NRXN1: variants seen among roughly 807,000 people sequenced by gnomAD.
NRXN1 encodes neurexin 1, also known as neurexin-1.
A neutral mutation model predicts 150.9 loss-of-function variants in NRXN1; 39 were observed. The observed-to-expected ratio is 0.26, with a 90% CI of 0.20 to 0.34. The LOEUF is 0.34. Ranked by LOEUF, NRXN1 falls within the 10% of genes least tolerant of loss-of-function variation. The probability of loss-of-function intolerance (pLI) is 1.00; values close to 1 mark genes in which losing one functional copy is unlikely to be tolerated. For missense variants in NRXN1, 1,815 were observed against 1,949.9 expected (o/e 0.93, Z 1.30); for synonymous variants, 924 against 757.0 (o/e 1.22, Z -3.62).
intron 17 of NRXN1, among the ~76,000 whole-genome samples, chr2:50,420,961 CCT>C (rs2083938065): frequency 2.6e-5 from 3 of 115,466 alleles, no homozygotes; most frequent in Non-Finnish European, 1.8e-5. Flanking sequence ...TCAAAATAGA[CCT>C]GTGTGTGTGT....
intron 18 of NRXN1, among the ~76,000 whole-genome samples, chr2:50,193,017 G>T (rs1175058117): frequency 6.6e-6 from 1 of 152,094 alleles, no homozygotes; most frequent in Non-Finnish European, 1.5e-5. Context: ...AAATAGTCTT[G>T]AACTCAATCT....
chr2:50,902,122 G>A (rs1683046420), intron 5 of NRXN1, among the ~76,000 whole-genome samples: 1 of 152,094 alleles, frequency 6.6e-6, no homozygotes, highest in Admixed American at 6.5e-5. Context: ...ATTGGCCATT[G>A]AGAAGGATGG....
At chr2:50,434,053 T>C (rs1170154450) in intron 17 of NRXN1, among the ~76,000 whole-genome samples, 2 of 130,172 alleles carry the variant, frequency 1.5e-5, no homozygotes, top group African/African-American at 3.0e-5. Context: ...ATTTTTTTTT[T>C]TTTTTTTTTT....
rs2069253569 is a variant in NRXN1 at position 50,269,133 on chromosome 2, G to T, written c.3365-32163C>A. Among the ~76,000 whole-genome samples the T allele has an allele frequency of 2.0e-5, 3 of 152,176 alleles. No individual in the cohort carries two copies. In the South Asian group the frequency reaches 6.2e-4, roughly 32 times the overall value. ...TAGACAGGGAAAGTGCCTTGCCTAA[G>T]ATCACAACTAATATTGTGCAAGAAT... is the stretch of plus-strand genomic sequence containing the variant. On this transcript the variant is annotated intron_variant, in intron 17 of 22. Transcript: ENST00000401669.
At chr2:50,375,128 T>C (rs1043539479) in intron 17 of NRXN1, among the ~76,000 whole-genome samples, 18 of 152,166 alleles carry the variant, frequency 1.2e-4, no homozygotes, top group Admixed American at 2.6e-4. Context: ...ATTCATGATA[T>C]ATTGGATGCC....
intron 5 of NRXN1, among the ~76,000 whole-genome samples, chr2:50,779,822 A>C (rs1209799822): frequency 2.0e-5 from 3 of 152,126 alleles, no homozygotes; most frequent in Admixed American, 1.3e-4. Context: ...ATAAAATAAA[A>C]TAAACATGTG....
chr2:50,808,983 C>A (rs1667865387), intron 5 of NRXN1, among the ~76,000 whole-genome samples: 2 of 152,098 alleles, frequency 1.3e-5, no homozygotes, highest in Admixed American at 6.6e-5. Flanking sequence ...ATCTTTCTAA[C>A]AGACTGCTTG....
chr2:49,977,674 G>A (rs1679226554), intron 21 of NRXN1, among the ~76,000 whole-genome samples: 1 of 152,274 alleles, frequency 6.6e-6, no homozygotes, highest in African/African-American at 2.4e-5. Context: ...CAACTCAAAG[G>A]ATGGTGACCT....
At chr2:50,756,297 C>T (rs560532211) in intron 5 of NRXN1, among the ~76,000 whole-genome samples, 2 of 151,708 alleles carry the variant, frequency 1.3e-5, no homozygotes, top group East Asian at 3.9e-4. Context: ...TTCCACCTCA[C>T]AAGTATAGTG....
At chr2:51,000,135 A>T (rs900414376) in intron 2 of NRXN1, among the ~76,000 whole-genome samples, 2 of 151,714 alleles carry the variant, frequency 1.3e-5, no homozygotes, top group African/African-American at 2.4e-5. Context: ...GCACACCTCC[A>T]CTTCAGGCCT....
intron 18 of NRXN1, among the ~76,000 whole-genome samples, chr2:50,170,135 A>C (rs1327010316): frequency 6.6e-6 from 1 of 150,594 alleles, no homozygotes; most frequent in African/African-American, 2.5e-5. Flanking sequence ...CATATTATAG[A>C]TAATATCACA....
Position 50,862,851 on chromosome 2 carries a change from G to C in NRXN1, c.832+59018C>G, listed in dbSNP as rs574982911. On this transcript the variant is annotated intron_variant, in intron 5 of 22. Coordinates refer to ENST00000401669, the MANE Select transcript of NRXN1 (RefSeq NM_001330078.2). ...AAAAGATCCAGGATTTGTACCATTT[G>C]TCTCCAAAATGCATGTCCTTCTCTA... Among the ~76,000 whole-genome samples the C allele has an allele frequency of 2.6e-5, 4 of 152,152 alleles. No individual in the cohort carries two copies. In the South Asian group the frequency reaches 6.2e-4, roughly 24 times the overall value.
intron 5 of NRXN1, among the ~76,000 whole-genome samples, chr2:50,835,846 C>G (rs1408197421): frequency 6.6e-6 from 1 of 152,150 alleles, no homozygotes; most frequent in Non-Finnish European, 1.5e-5. Flanking sequence ...CCTTTCCTTA[C>G]AAACTAGGTT....
intron 8 of NRXN1, among the ~76,000 whole-genome samples, chr2:50,617,801 TAAGGA>T (rs550891801): frequency 6.6e-5 from 10 of 152,172 alleles, no homozygotes; most frequent in Non-Finnish European, 1.5e-4. Flanking sequence ...AATACTAAGG[TAAGGA>T]ATCTTTATTT....
At chr2:50,257,328 C>T (rs1248715510) in intron 17 of NRXN1, among the ~76,000 whole-genome samples, 1 of 151,944 alleles carries the variant, frequency 6.6e-6, no homozygotes, top group African/African-American at 2.4e-5. Context: ...ATTCTTTGCT[C>T]CTTAAGAAAA....
Position 49,922,139 on chromosome 2 carries a change from C to T in NRXN1, c.4329G>A (p.Leu1443=). The T allele has an allele frequency of 6.2e-7, 1 of 1,614,128 alleles. No individual in the cohort carries two copies. Among genetic ancestry groups the T allele is most frequent in the Non-Finnish European group, 8.5e-7 (1 of 1,180,022 alleles). The change falls in exon 23 of 23, where the codon CTG becomes CTA. Residue 1443 remains leucine, a synonymous_variant. Transcript: ENST00000401669. ...TGGCATAGAGGAGGATAAGGATGCA[C>T]AGGGCGGCAGCGGCTACTATCCCAA... ...MVVGIVAAAA[L]CILILLYAMY...
chr2:50,426,347 T>C lies in NRXN1; in HGVS notation c.3364+39095A>G, dbSNP rs1345777621. Among the ~76,000 whole-genome samples the C allele has an allele frequency of 2.8e-4, 43 of 152,202 alleles. 1 individual carries two copies. Among genetic ancestry groups the C allele is most frequent in the Admixed American group, 2.8e-3 (43 of 15,282 alleles). On this transcript the variant is annotated intron_variant, in intron 17 of 22. Coordinates refer to ENST00000401669, the MANE Select transcript of NRXN1 (RefSeq NM_001330078.2). ...AATCAGTCTAGATGACTTTTATTAA[T>C]TAAAACAATTCTTATCCTAGTATAC...
chr2:50,449,501 G>A (rs750679838), intron 17 of NRXN1, among the ~76,000 whole-genome samples: 3 of 152,110 alleles, frequency 2.0e-5, no homozygotes, highest in Non-Finnish European at 2.9e-5. Context: ...AATCATCTGG[G>A]ATCTTGTTAA....
intron 18 of NRXN1, among the ~76,000 whole-genome samples, chr2:50,173,082 T>C (rs930396370): frequency 1.3e-5 from 2 of 152,214 alleles, no homozygotes; most frequent in African/African-American, 4.8e-5. Context: ...ATCATTTCCT[T>C]GTCACTAGAA....
Sources: gnomAD v4.1 joint callset for allele counts (sites outside exome capture counted in the v4.1 genomes callset) on GRCh38, gnomAD v4.1.1 for gene constraint, MANE v1.5 for transcripts, NCBI Gene and HGNC (gene_info 2026-07-23, HGNC 2026-07-21) for gene names.